The following RBFOX1 variants were observed in gnomAD, a reference collection of about 807,000 sequenced individuals.
RBFOX1 encodes the protein RNA binding fox-1 homolog 1, also known as RNA binding protein fox-1 homolog 1.
RBFOX1 carries 8 observed loss-of-function variants against 57.7 expected under a neutral mutation model. That is an observed-to-expected ratio of 0.14 (90% CI 0.08 to 0.25). The LOEUF is 0.25. Among genes scored for constraint, RBFOX1 ranks in the 10% least tolerant of loss-of-function variants. The probability of loss-of-function intolerance (pLI) is 1.00; values close to 1 mark genes in which losing one functional copy is unlikely to be tolerated. For missense variants in RBFOX1, 611 were observed against 548.5 expected, an observed-to-expected ratio of 1.11 and a Z score of -1.14; for synonymous variants, 326 against 222.4, an observed-to-expected ratio of 1.47 and a Z score of -4.15.
At chr16:6,694,445 T>G (rs922297895) in intron 3 of RBFOX1, among the ~76,000 whole-genome samples, 2 of 152,214 alleles carry the variant, frequency 1.3e-5, no homozygotes, top group African/African-American at 2.4e-5. Context: ...ACATTTCATT[T>G]TGGATATAAA....
chr16:7,037,228 CTTTTTTTT>C (rs889539532), intron 3 of RBFOX1, among the ~76,000 whole-genome samples: 4 of 80,524 alleles, frequency 5.0e-5, no homozygotes, highest in Admixed American at 2.8e-4. Flanking sequence ...GTCTTAGCCT[CTTTTTTTT>C]TTTTTTTTTT....
chr16:6,820,693 C>G (rs765078916), intron 3 of RBFOX1, among the ~76,000 whole-genome samples: 1 of 136,328 alleles, frequency 7.3e-6, no homozygotes, highest in Non-Finnish European at 1.7e-5. Flanking sequence ...CAAACAAAAA[C>G]CGAAAACTGC....
chr16:7,578,511 C>G (rs910822073), intron 5 of RBFOX1, among the ~76,000 whole-genome samples: 2 of 152,170 alleles, frequency 1.3e-5, no homozygotes, highest in Admixed American at 6.5e-5. Context: ...GAGAAACTTG[C>G]TAATTATGCC....
chr16:7,320,995 A>C (rs1004214491), intron 4 of RBFOX1, among the ~76,000 whole-genome samples: 2 of 152,182 alleles, frequency 1.3e-5, no homozygotes, highest in Non-Finnish European at 2.9e-5. Context: ...AATATGATAC[A>C]TTGCTATTAC....
chr16:5,904,112 G>A lies in RBFOX1; in HGVS notation c.351+36777G>A, dbSNP rs925043552. The stretch of plus-strand genomic sequence containing the variant: ...GTCATGATTAGTATGCAGGTAAGGC[G>A]AATGGGCCTCCGCAGAGTAATTGGA... On this transcript the variant is annotated intron_variant, in intron 4 of 19. Coordinates refer to the RBFOX1 transcript ENST00000641259. 3.3e-5 allele frequency among the ~76,000 whole-genome samples: 5 copies of A among 152,254 alleles called. No homozygotes were observed. The East Asian group carries it at 5.8e-4, about 18-fold the overall frequency.
At chr16:6,871,417 G>A (rs1159681379) in intron 3 of RBFOX1, among the ~76,000 whole-genome samples, 1 of 152,014 alleles carries the variant, frequency 6.6e-6, no homozygotes, top group Non-Finnish European at 1.5e-5. Context: ...AACTCCTGAG[G>A]TCAAATGATC....
chr16:6,330,803 G>A (rs979028601), intron 2 of RBFOX1, among the ~76,000 whole-genome samples: 1 of 152,232 alleles, frequency 6.6e-6, no homozygotes, highest in African/African-American at 2.4e-5. Flanking sequence ...AATGTATGCA[G>A]TGTGTGGCCA....
At chr16:5,293,087 G>A (rs924699474) in intron 1 of RBFOX1, among the ~76,000 whole-genome samples, 1 of 152,024 alleles carries the variant, frequency 6.6e-6, no homozygotes, top group African/African-American at 2.4e-5. Flanking sequence ...TTGGGAGGCT[G>A]AGGTGGGTGG....
At chr16:6,778,685 T>C (rs1318047119) in intron 3 of RBFOX1, among the ~76,000 whole-genome samples, 1 of 152,094 alleles carries the variant, frequency 6.6e-6, no homozygotes, top group Non-Finnish European at 1.5e-5. Context: ...TTTTACTCTC[T>C]TTTTTCTTAG....
At chr16:7,176,312 G>A (rs889105251) in intron 4 of RBFOX1, among the ~76,000 whole-genome samples, 7 of 151,642 alleles carry the variant, frequency 4.6e-5, no homozygotes, top group South Asian at 2.1e-4. Flanking sequence ...AGCTTTTATC[G>A]TTTTTATGTT....
chr16:6,171,707 C>A (rs921211612), intron 1 of RBFOX1, among the ~76,000 whole-genome samples: 2 of 152,198 alleles, frequency 1.3e-5, no homozygotes, highest in African/African-American at 2.4e-5. Flanking sequence ...AAAAGAAACC[C>A]ATTCTTTGGA....
At chr16:5,851,054 C>G (rs1040761662) in intron 3 of RBFOX1, among the ~76,000 whole-genome samples, 1 of 152,214 alleles carries the variant, frequency 6.6e-6, no homozygotes, top group African/African-American at 2.4e-5. Flanking sequence ...GTGCACCCCC[C>G]AAACGCACTT....
At chr16:7,452,162 C>G (rs2098870968) in intron 4 of RBFOX1, among the ~76,000 whole-genome samples, 1 of 152,186 alleles carries the variant, frequency 6.6e-6, no homozygotes, top group Non-Finnish European at 1.5e-5. Context: ...AGCCAAGTTA[C>G]AGGCAGGTGG....
At chr16:7,169,451 C>G (rs909053424) in intron 4 of RBFOX1, among the ~76,000 whole-genome samples, 3 of 152,172 alleles carry the variant, frequency 2.0e-5, no homozygotes, top group Non-Finnish European at 4.4e-5. Context: ...AGGGTATCTG[C>G]TAGATTCAGT....
intron 4 of RBFOX1, among the ~76,000 whole-genome samples, chr16:7,330,137 A>G (rs189135402): frequency 1.4e-4 from 22 of 152,248 alleles, no homozygotes; most frequent in East Asian, 3.9e-4. Flanking sequence ...TCATCCCTCA[A>G]TATGGTGGGA....
At chr16:5,848,288 A>G (rs2056806866) in intron 3 of RBFOX1, among the ~76,000 whole-genome samples, 1 of 152,128 alleles carries the variant, frequency 6.6e-6, no homozygotes, top group African/African-American at 2.4e-5. Flanking sequence ...GCCCACCACC[A>G]GTGGACTCTA....
At chr16:7,224,932 G>A (rs1603364709) in intron 4 of RBFOX1, among the ~76,000 whole-genome samples, 1 of 152,218 alleles carries the variant, frequency 6.6e-6, no homozygotes, top group Non-Finnish European at 1.5e-5. Flanking sequence ...CCTAGTCACA[G>A]TGATGAGGAG....
intron 4 of RBFOX1, among the ~76,000 whole-genome samples, chr16:7,170,470 C>G (rs1053129047): frequency 6.6e-6 from 1 of 152,042 alleles, no homozygotes; most frequent in African/African-American, 2.4e-5. Context: ...AAGATAGAGT[C>G]TTGGCGTGTT....
chr16:6,211,616 T>C (rs983805945), intron 1 of RBFOX1, among the ~76,000 whole-genome samples: 1 of 152,158 alleles, frequency 6.6e-6, no homozygotes, highest in Non-Finnish European at 1.5e-5. Flanking sequence ...TTCAGCAATA[T>C]GTCAGGTCCC....
Sources: allele counts gnomAD v4.1 joint callset (sites outside exome capture counted in the v4.1 genomes callset), GRCh38; gene constraint gnomAD v4.1.1; transcripts MANE v1.5; gene names NCBI Gene and HGNC (gene_info 2026-07-23, HGNC 2026-07-21).